The following TENM2 variants were observed in gnomAD, a reference collection of about 807,000 sequenced individuals.
TENM2 encodes teneurin transmembrane protein 2.
In TENM2, 52 loss-of-function variants were observed where a neutral mutation model predicts 245.2. The ratio of observed to expected loss-of-function variants is 0.21; its 90% CI spans 0.17 to 0.27. The LOEUF (loss-of-function observed/expected upper bound fraction) is 0.27, where lower values mean the gene tolerates loss of function less well. TENM2 is among the 10% of genes least tolerant of loss of function. TENM2 has a pLI of 1.00. For synonymous variants in TENM2, 1,363 were observed against 1,438.9 expected, an observed-to-expected ratio of 0.95 and a Z score of 1.19; for missense variants, 3,046 against 3,666.8, an observed-to-expected ratio of 0.83 and a Z score of 4.37.
At chr5:168,048,534 ATC>A (rs1209944694) in intron 6 of TENM2, among the ~76,000 whole-genome samples, 1 of 152,298 alleles carries the variant, frequency 6.6e-6, no homozygotes, top group East Asian at 1.9e-4. Flanking sequence ...GGAAGGAAAA[ATC>A]TCTCTGAGAA....
the TENM2 span, among the ~76,000 whole-genome samples, chr5:167,242,051 T>G: frequency 6.6e-6 from 1 of 150,460 alleles, no homozygotes; most frequent in Admixed American, 6.6e-5. Context: ...TTTTTGTTTT[T>G]TTTTTTTTTT....
At chr5:167,589,056 G>A (rs1775699730) in intron 2 of TENM2, among the ~76,000 whole-genome samples, 1 of 152,138 alleles carries the variant, frequency 6.6e-6, no homozygotes, top group African/African-American at 2.4e-5. Flanking sequence ...CGAAAAATTA[G>A]CTGGGTCTAT....
intron 2 of TENM2, among the ~76,000 whole-genome samples, chr5:167,584,426 A>G (rs1775333188): frequency 6.6e-6 from 1 of 152,050 alleles, no homozygotes; most frequent in South Asian, 2.1e-4. Flanking sequence ...ACAAAGTTAC[A>G]CTCTCTGCAA....
intron 1 of TENM2, among the ~76,000 whole-genome samples, chr5:167,327,448 T>G (rs962841630): frequency 6.6e-6 from 1 of 152,166 alleles, no homozygotes; most frequent in African/African-American, 2.4e-5. Context: ...ATATGAAATA[T>G]AGTCACAAAT....
At chr5:167,978,779 A>G (rs1272698011) in intron 4 of TENM2, among the ~76,000 whole-genome samples, 1 of 152,192 alleles carries the variant, frequency 6.6e-6, no homozygotes, top group Non-Finnish European at 1.5e-5. Context: ...AGAAATGGTT[A>G]ATTTTGTATC....
At chr5:167,745,681 A>G (rs571465334) in intron 2 of TENM2, among the ~76,000 whole-genome samples, 15 of 151,888 alleles carry the variant, frequency 9.9e-5, no homozygotes, top group Non-Finnish European at 1.9e-4. Context: ...AATCTACTCT[A>G]CCCCCAGTCC....
the TENM2 span, among the ~76,000 whole-genome samples, chr5:167,108,104 T>A: frequency 6.6e-6 from 1 of 152,294 alleles, no homozygotes; most frequent in South Asian, 2.1e-4. Context: ...TATTTCTCTC[T>A]TACTTGACTG....
At chr5:168,172,716 C>T (rs7707033) in intron 13 of TENM2, among the ~76,000 whole-genome samples, 53,712 of 152,076 alleles carry the variant, frequency 0.35, 10,402 homozygotes, top group African/African-American at 0.49. Flanking sequence ...CTTTTCCCTC[C>T]GGTTTTGGAT....
intron 2 of TENM2, among the ~76,000 whole-genome samples, chr5:167,445,105 T>C (rs1765082775): frequency 6.6e-6 from 1 of 151,958 alleles, no homozygotes; most frequent in Non-Finnish European, 1.5e-5. Context: ...TAGTAGCACT[T>C]GTAGTGGTAG....
At chr5:168,077,934 T>C (rs1758986039) in intron 7 of TENM2, among the ~76,000 whole-genome samples, 1 of 152,196 alleles carries the variant, frequency 6.6e-6, no homozygotes, top group South Asian at 2.1e-4. Context: ...ATCCTTTGGG[T>C]ATATACCCAG....
intron 2 of TENM2, among the ~76,000 whole-genome samples, chr5:167,616,788 G>A (rs982223587): frequency 6.6e-6 from 1 of 152,050 alleles, no homozygotes; most frequent in Non-Finnish European, 1.5e-5. Flanking sequence ...CATAAAAAGG[G>A]CAATGCATGT....
intron 2 of TENM2, among the ~76,000 whole-genome samples, chr5:167,594,134 T>C (rs1474881850): frequency 6.6e-6 from 1 of 152,184 alleles, no homozygotes; most frequent in African/African-American, 2.4e-5. Flanking sequence ...AAAACTCAAA[T>C]TCCTTAAATA....
At chr5:167,153,496 G>A in the TENM2 span, among the ~76,000 whole-genome samples, 1 of 152,032 alleles carries the variant, frequency 6.6e-6, no homozygotes, top group Non-Finnish European at 1.5e-5. Flanking sequence ...GCTGTCTCAG[G>A]GGTGGAAGAG....
chr5:168,023,943 C>T (rs1019752582), intron 5 of TENM2, among the ~76,000 whole-genome samples: 1 of 152,090 alleles, frequency 6.6e-6, no homozygotes, highest in Non-Finnish European at 1.5e-5. Flanking sequence ...CACAATCATG[C>T]ATAAAAACTG....
chr5:167,445,334 T>TG (rs1561961657), intron 2 of TENM2, among the ~76,000 whole-genome samples: 1 of 86,326 alleles, frequency 1.2e-5, no homozygotes, highest in Admixed American at 1.2e-4. Flanking sequence ...TATATATATA[T>TG]ATAGAGAGAG....
intron 5 of TENM2, among the ~76,000 whole-genome samples, chr5:168,043,955 C>T (rs1467273413): frequency 6.6e-6 from 1 of 152,188 alleles, no homozygotes; most frequent in African/African-American, 2.4e-5. Context: ...AAATATGAAG[C>T]AGATAGCCAC....
chr5:167,468,080 G>A (rs1265303893), intron 2 of TENM2, among the ~76,000 whole-genome samples: 1 of 152,154 alleles, frequency 6.6e-6, no homozygotes, highest in African/African-American at 2.4e-5. Context: ...GGGATTACAG[G>A]TGTGAGCCAC....
chr5:168,073,418 A>G (rs1791193043), intron 7 of TENM2, among the ~76,000 whole-genome samples: 1 of 152,236 alleles, frequency 6.6e-6, no homozygotes. Context: ...GGGCAAACCA[A>G]GACATGCCTT....
intron 2 of TENM2, among the ~76,000 whole-genome samples, chr5:167,674,835 G>T (rs746005915): frequency 2.2e-4 from 33 of 152,096 alleles, no homozygotes; most frequent in Non-Finnish European, 3.7e-4. Flanking sequence ...TTCTATACTA[G>T]CTGGTCACAT....
Sources: allele counts gnomAD v4.1 joint callset (sites outside exome capture counted in the v4.1 genomes callset), GRCh38; gene constraint gnomAD v4.1.1; transcripts MANE v1.5; gene names NCBI Gene and HGNC (gene_info 2026-07-23, HGNC 2026-07-21).